The following ANK2 variants were observed in gnomAD, a reference collection of about 807,000 sequenced individuals.
ANK2 encodes the protein ankyrin-2.
A neutral mutation model predicts 360.5 loss-of-function variants in ANK2; 83 were observed. That is an observed-to-expected ratio of 0.23 (90% CI 0.19 to 0.28). The LOEUF is 0.28. Among genes scored for constraint, ANK2 ranks in the 10% least tolerant of loss-of-function variants. The pLI is 1.00. For missense variants in ANK2, 4,201 were observed against 4,795.7 expected (o/e 0.88, Z 3.66); for synonymous variants, 1,740 against 1,759.5 (o/e 0.99, Z 0.28).
intron 1 of ANK2, among the ~76,000 whole-genome samples, chr4:112,831,767 A>G (rs553898023): frequency 1.3e-5 from 2 of 152,302 alleles, no homozygotes; most frequent in South Asian, 2.1e-4. Flanking sequence ...AAGCTGTAAC[A>G]GTCACTGTGA....
At chr4:112,792,033 C>CTTTTTTTTTTTTTT in the ANK2 span, among the ~76,000 whole-genome samples, 1 of 65,968 alleles carries the variant, frequency 1.5e-5, no homozygotes, top group Non-Finnish European at 2.5e-5. Context: ...CACATCCTTT[C>CTTTTTTTTTTTTTT]TTTTTTTTTT....
intron 1 of ANK2, among the ~76,000 whole-genome samples, chr4:113,057,922 G>C (rs1241813287): frequency 6.6e-6 from 1 of 152,030 alleles, no homozygotes; most frequent in African/African-American, 2.4e-5. Context: ...ATAATGTTAT[G>C]CTAGTATAAC....
At chr4:113,097,733 TATTA>T (rs760869460) in intron 1 of ANK2, among the ~76,000 whole-genome samples, 1 of 151,766 alleles carries the variant, frequency 6.6e-6, no homozygotes, top group African/African-American at 2.4e-5. Context: ...ATTTGAGCAC[TATTA>T]ATTATTTTAG....
At chr4:113,156,529 T>C (rs1273834939) in intron 1 of ANK2, among the ~76,000 whole-genome samples, 4 of 151,498 alleles carry the variant, frequency 2.6e-5, no homozygotes. Context: ...CGCCACCACA[T>C]CTGGATAATT....
chr4:113,156,751 G>T (rs959628230), intron 1 of ANK2, among the ~76,000 whole-genome samples: 1 of 149,180 alleles, frequency 6.7e-6, no homozygotes, highest in South Asian at 2.1e-4. Context: ...CCGTAATTTT[G>T]TTTTCTTTTA....
In ANK2 at chr4:113,373,340, AG is replaced by A; in HGVS notation, c.11751del (p.Ile3918LeufsTer23). ...TCCTCTGAAGGCACAGAGAAAGAAG[AG>A]ATTATGGTGCAGGGAATGCCACAGG... is the stretch of plus-strand genomic sequence containing the variant. ...YVSSEGTEKEEIMVQGMPQEP... is the reference protein window; with the variant it reads ...YVSSEGTEKEXIMVQGMPQEP... On this transcript the variant is annotated frameshift_variant, in exon 45 of 46. Transcript: ENST00000357077. LOFTEE classifies it high-confidence loss of function. The A allele has an allele frequency of 6.2e-7, 1 of 1,614,192 alleles. No homozygotes were observed. Among genetic ancestry groups the A allele is most frequent in the Non-Finnish European group, 8.5e-7 (1 of 1,180,022 alleles).
chr4:112,796,004 T>C, the ANK2 span, among the ~76,000 whole-genome samples: 458 of 151,884 alleles, frequency 3.0e-3, 3 homozygotes, highest in African/African-American at 0.01. Context: ...TTCACTATGT[T>C]GGCCAGGCTG....
chr4:112,822,238 TAAAAAAA>T (rs1211981767), intron 1 of ANK2, among the ~76,000 whole-genome samples: 7 of 88,510 alleles, frequency 7.9e-5, no homozygotes, highest in African/African-American at 2.2e-4. Flanking sequence ...CTGTCTCTAC[TAAAAAAA>T]AAAAAAAAAA....
chr4:112,919,290 G>A (rs1020122136), intron 2 of ANK2, among the ~76,000 whole-genome samples: 32 of 151,924 alleles, frequency 2.1e-4, no homozygotes, highest in African/African-American at 7.7e-4. Context: ...CTCCATTAGC[G>A]TTACTCAGCT....
intron 1 of ANK2, among the ~76,000 whole-genome samples, chr4:113,128,111 G>C (rs1014866137): frequency 1.3e-5 from 2 of 152,152 alleles, no homozygotes; most frequent in East Asian, 3.9e-4. Flanking sequence ...ATTAATTGCA[G>C]AGACTTTATA....
the ANK2 span, chr4:112,739,000 C>A: frequency 1.5e-6 from 1 of 662,264 alleles, no homozygotes. Flanking sequence ...GTGCTGAGGT[C>A]GCTCACAAAA....
chr4:113,328,156 A>G (rs916943402), intron 26 of ANK2, among the ~76,000 whole-genome samples: 3 of 152,256 alleles, frequency 2.0e-5, no homozygotes, highest in Non-Finnish European at 4.4e-5. Context: ...CTTCAAAGGT[A>G]TAAATAGTAC....
intron 41 of ANK2, 80 bp from the exon 42 acceptor site, chr4:113,367,486 C>A (rs2096579363): frequency 7.6e-7 from 1 of 1,312,108 alleles, no homozygotes; most frequent in Admixed American, 1.8e-5. Flanking sequence ...TTTTTTTTAT[C>A]CTCTTATATT....
chr4:112,996,345 G>T (rs1317593364), intron 2 of ANK2, among the ~76,000 whole-genome samples: 16 of 152,106 alleles, frequency 1.1e-4, no homozygotes. Context: ...TATCTTAACT[G>T]TGGTGATGGC....
rs1422850171 is a variant in ANK2 at position 112,896,552 on chromosome 4, A to G, written c.-39-7903A>G. ...CTTATTGAGATTTCCTTTTCCTTGT[A>G]GAAAAGACAGATAAATGTGTGAGTG... On this transcript the variant is annotated intron_variant, in intron 1 of 30. Coordinates refer to the ANK2 transcript ENST00000503271. Among the ~76,000 whole-genome samples, 4 of 152,240 alleles carry G rather than the reference A, an allele frequency of 2.6e-5. No homozygotes were observed. In the East Asian group the frequency reaches 7.7e-4, roughly 29 times the overall value.
At chr4:112,980,072 T>G (rs7697332) in intron 2 of ANK2, 42,833 of 151,918 alleles carry the variant, frequency 0.28, 6,489 homozygotes, top group East Asian at 0.43. Context: ...AGGGTTACCT[T>G]TAGGCCCAGG....
At chr4:112,996,076 A>G (rs2048404877) in intron 2 of ANK2, among the ~76,000 whole-genome samples, 1 of 152,218 alleles carries the variant, frequency 6.6e-6, no homozygotes, top group Non-Finnish European at 1.5e-5. Flanking sequence ...AACAACCCAA[A>G]TGTCTATCAA....
At chr4:113,221,525 G>C (rs1040302873) in intron 4 of ANK2, among the ~76,000 whole-genome samples, 2 of 152,012 alleles carry the variant, frequency 1.3e-5, no homozygotes, top group African/African-American at 4.8e-5. Context: ...CAGGCATGGT[G>C]GCACAGGCCT....
intron 31 of ANK2, among the ~76,000 whole-genome samples, chr4:113,338,582 C>T (rs1383200249): frequency 8.2e-6 from 1 of 121,244 alleles, no homozygotes; most frequent in East Asian, 2.5e-4. Flanking sequence ...CGGAGTCTTG[C>T]TCTGTCGCCC....
Sources: gnomAD v4.1 joint callset for allele counts (sites outside exome capture counted in the v4.1 genomes callset) on GRCh38, gnomAD v4.1.1 for gene constraint, MANE v1.5 for transcripts, NCBI Gene and HGNC (gene_info 2026-07-23, HGNC 2026-07-21) for gene names.